The following ZRANB3 variants were observed in gnomAD, a reference collection of about 807,000 sequenced individuals.
ZRANB3 encodes zinc finger RANBP2-type containing 3, also known as DNA annealing helicase and endonuclease ZRANB3.
A neutral mutation model predicts 133.8 loss-of-function variants in ZRANB3; 125 were observed. The observed-to-expected ratio is 0.93, with a 90% CI of 0.81 to 1.08. The LOEUF (loss-of-function observed/expected upper bound fraction) is 1.08. Among genes scored for constraint, ZRANB3 ranks in the 50% least tolerant of loss-of-function variants. The pLI is 0.00. For missense variants in ZRANB3, 1,229 were observed against 1,275.5 expected (o/e 0.96, Z 0.56); for synonymous variants, 387 against 432.7 (o/e 0.89, Z 1.31).
chr2:135,264,703 C>A (rs1680137255), intron 12 of ZRANB3, among the ~76,000 whole-genome samples: 1 of 150,532 alleles, frequency 6.6e-6, no homozygotes, highest in South Asian at 2.1e-4. Context: ...TGTTTATTGG[C>A]TATTCAGGTG....
rs1264550279 is a variant in ZRANB3 at position 135,208,956 on chromosome 2, C to A, written c.2518G>T (p.Ala840Ser). ...TTCACTTTGTCCATTGAGGCTACGG[C>A]AACATCTTCTTTGGTTATGTATCTA... ...TKRYITKEDV[A>S]VASMDKVKNV... is the part of the protein sequence containing the mutation. The change falls in exon 18 of 21, where the codon GCC becomes TCC. Residue 840 changes from alanine to serine, a missense_variant. By Grantham distance (99) the Ala-to-Ser change is moderately conservative (BLOSUM62 1). Transcript: ENST00000264159. The A allele has an allele frequency of 1.9e-6, 3 of 1,613,932 alleles. No homozygotes were observed. In the South Asian group the frequency reaches 3.3e-5, roughly 18 times the overall value.
chr2:135,344,272 C>T (rs1043280875), intron 6 of ZRANB3, among the ~76,000 whole-genome samples: 1 of 152,156 alleles, frequency 6.6e-6, no homozygotes, highest in Non-Finnish European at 1.5e-5. Flanking sequence ...AAATAAAACA[C>T]AGGTGGTCTA....
intron 12 of ZRANB3, among the ~76,000 whole-genome samples, chr2:135,249,284 G>C (rs148786375): frequency 6.6e-6 from 1 of 152,286 alleles, no homozygotes; most frequent in East Asian, 1.9e-4. Flanking sequence ...TACCATAAAG[G>C]CACATGCACA....
chr2:135,433,793 G>A (rs550685891), intron 2 of ZRANB3, among the ~76,000 whole-genome samples: 3 of 152,242 alleles, frequency 2.0e-5, no homozygotes, highest in African/African-American at 7.2e-5. Flanking sequence ...TCAGGAGATC[G>A]AGACCATCTT....
rs542339523 is a variant in ZRANB3, at chr2:135,315,379, G to T, written c.829C>A (p.Leu277Ile). 13 of 1,576,108 alleles carry T rather than the reference G, an allele frequency of 8.2e-6. No homozygotes were observed. The South Asian group carries it at 1.4e-4, about 18-fold the overall frequency. The change falls in exon 7 of 21, where the codon CTT (leucine) becomes ATT (isoleucine). Residue 277 changes from leucine to isoleucine, a missense_variant. Physicochemically the swap from Leu to Ile is conservative, Grantham distance 5. Transcript: ENST00000264159. ...CTCACCTTGGCAGCTGCTGATGGAAGATCAAATGGAATACGCTGTCTGACT... is the reference window on the plus strand; with the variant it reads ...CTCACCTTGGCAGCTGCTGATGGAATATCAAATGGAATACGCTGTCTGACT... ...PKVRQRIPFD[L>I]PSAAAKELNT...
intron 2 of ZRANB3, among the ~76,000 whole-genome samples, chr2:135,489,784 A>G (rs895105132): frequency 6.6e-6 from 1 of 151,930 alleles, no homozygotes; most frequent in African/African-American, 2.4e-5. Flanking sequence ...GGTTTTGGAG[A>G]AAAAAATAAA....
intron 8 of ZRANB3, among the ~76,000 whole-genome samples, chr2:135,279,477 A>G (rs1402128598): frequency 6.6e-6 from 1 of 152,212 alleles, no homozygotes; most frequent in East Asian, 1.9e-4. Flanking sequence ...AATAAAGTGC[A>G]TATTTGCCTA....
At chr2:135,512,084 A>G in intron 1 of ZRANB3, 1 of 418,278 alleles carries the variant, frequency 2.4e-6, no homozygotes, top group East Asian at 3.9e-5. Flanking sequence ...CCAGCAATAC[A>G]TAATTTTTAA....
chr2:135,320,862 T>C (rs1683489698), intron 6 of ZRANB3, among the ~76,000 whole-genome samples: 1 of 152,228 alleles, frequency 6.6e-6, no homozygotes, highest in African/African-American at 2.4e-5. Context: ...GTTCTGCACA[T>C]TCTGGAATGT....
chr2:135,254,689 A>G (rs1289581877), intron 12 of ZRANB3, among the ~76,000 whole-genome samples: 1 of 152,132 alleles, frequency 6.6e-6, no homozygotes, highest in Non-Finnish European at 1.5e-5. Context: ...ATAGTGTCCA[A>G]TTCAATGATT....
intron 3 of ZRANB3, among the ~76,000 whole-genome samples, chr2:135,373,059 G>GAA (rs80322759): frequency 8.7e-6 from 1 of 115,386 alleles, no homozygotes; most frequent in Non-Finnish European, 1.8e-5. Context: ...ACTCCATCTC[G>GAA]AAAAAAAAAA....
At chr2:135,425,251 C>A (rs1167197577) in intron 2 of ZRANB3, among the ~76,000 whole-genome samples, 6 of 151,870 alleles carry the variant, frequency 4.0e-5, no homozygotes, top group Non-Finnish European at 7.4e-5. Context: ...AAGAAAAAAA[C>A]AAAACAATAG....
intron 2 of ZRANB3, among the ~76,000 whole-genome samples, chr2:135,432,274 A>G (rs1323266584): frequency 2.0e-5 from 3 of 152,154 alleles, no homozygotes; most frequent in African/African-American, 7.2e-5. Context: ...ATAATCCCAA[A>G]TGGACCATAG....
rs1012802511 is a variant in ZRANB3, at chr2:135,227,868, T to A, written c.2102A>T (p.Lys701Met). Residue 701 changes from lysine (K) to methionine (M), a missense_variant, in exon 14 of 21, where the codon AAG (lysine) becomes ATG (methionine). By Grantham distance (95) the Lys-to-Met change is moderately conservative. Coordinates refer to ENST00000264159, the MANE Select transcript of ZRANB3 (RefSeq NM_032143.4). ...QSEPGQLADS[K>M]EETPKIEKED... ...TTTCTCAATTTTTGGTGTTTCTTCC[T>A]TGCTGTCAGCCAACTGGCCAGGTTC... 2 of 1,575,644 alleles carry A rather than the reference T, an allele frequency of 1.3e-6. No individual in the cohort carries two copies. Among genetic ancestry groups the A allele is most frequent in the African/African-American group, 2.7e-5 (2 of 74,434 alleles).
intron 16 of ZRANB3, 113 bp from the exon 17 acceptor site, chr2:135,217,720 G>A: frequency 2.3e-6 from 3 of 1,297,546 alleles, no homozygotes; most frequent in Non-Finnish European, 2.1e-6. Context: ...CCCCCAAATA[G>A]GCTTTTGAGT....
At chr2:135,518,693 T>C (rs1031338414) in intron 1 of ZRANB3, among the ~76,000 whole-genome samples, 1 of 152,180 alleles carries the variant, frequency 6.6e-6, no homozygotes, top group African/African-American at 2.4e-5. Context: ...ATTGGAACTG[T>C]TCCTATTCAG....
At chr2:135,530,479 C>A (rs970572954) in intron 1 of ZRANB3, 1 of 152,208 alleles carries the variant, frequency 6.6e-6, no homozygotes, top group Non-Finnish European at 1.5e-5. Flanking sequence ...ATCTCCCATG[C>A]AAGAAACTAG....
At chr2:135,476,559 A>C (rs941647562) in intron 2 of ZRANB3, among the ~76,000 whole-genome samples, 1 of 152,190 alleles carries the variant, frequency 6.6e-6, no homozygotes, top group Non-Finnish European at 1.5e-5. Flanking sequence ...AAATGTTTAG[A>C]TAAAACAAAA....
intron 17 of ZRANB3, among the ~76,000 whole-genome samples, chr2:135,211,420 A>G (rs1325475880): frequency 6.6e-6 from 1 of 152,168 alleles, no homozygotes; most frequent in African/African-American, 2.4e-5. Flanking sequence ...GCGCACCTGC[A>G]GTCCCAGCTA....
Sources: allele counts gnomAD v4.1 joint callset (sites outside exome capture counted in the v4.1 genomes callset), GRCh38; gene constraint gnomAD v4.1.1; transcripts MANE v1.5; gene names NCBI Gene and HGNC (gene_info 2026-07-23, HGNC 2026-07-21).